The following DHX37 variants were observed in gnomAD, a reference collection of about 807,000 sequenced individuals.
DHX37 encodes the protein DEAH-box helicase 37.
A neutral mutation model predicts 134.3 loss-of-function variants in DHX37; 52 were observed. That is an observed-to-expected ratio of 0.39 (90% CI 0.31 to 0.49). The LOEUF (loss-of-function observed/expected upper bound fraction) is 0.49, where lower values mean the gene tolerates loss of function less well. DHX37 is among the 20% of genes least tolerant of loss of function. DHX37 has a pLI of 0.93. For missense variants in DHX37, 1,344 were observed against 1,580.8 expected (o/e 0.85, Z 2.54); for synonymous variants, 634 against 670.7 (o/e 0.95, Z 0.85).
At chr12:124,950,370 G>A (rs1420057249) in intron 23 of DHX37, 43 bp downstream of exon 23, 1 of 1,594,014 alleles carries the variant, frequency 6.3e-7, no homozygotes, top group Non-Finnish European at 8.5e-7. Context: ...GAAGCCCACG[G>A]CTGCAGGAGG....
At chr12:124,965,620 C>T (rs1401364378) in intron 13 of DHX37, 48 bp downstream of exon 13, 2 of 1,544,082 alleles carry the variant, frequency 1.3e-6, no homozygotes, top group Non-Finnish European at 1.8e-6. Flanking sequence ...GGCACATCCT[C>T]AGGGCAGAGA....
At chr12:124,960,521 A>C in intron 15 of DHX37, 98 bp from the exon 16 acceptor site, 1 of 1,517,808 alleles carries the variant, frequency 6.6e-7, no homozygotes, top group Non-Finnish European at 8.9e-7. Context: ...AACAAACAAA[A>C]CTCAGTCATG....
intron 21 of DHX37, 144 bp downstream of exon 21, chr12:124,952,254 G>A (rs1953989092): frequency 2.1e-5 from 17 of 804,386 alleles, no homozygotes; most frequent in Non-Finnish European, 2.9e-5. Flanking sequence ...AGGAAGATGT[G>A]ATTCTACTGC....
chr12:124,950,580 C>T (rs575682659), intron 22 of DHX37, 30 bp from the exon 23 acceptor site: 6 of 1,548,128 alleles, frequency 3.9e-6, no homozygotes, highest in East Asian at 2.3e-5. Flanking sequence ...GCTGGGGTTA[C>T]AGCGGCACCC....
At position 124,964,404 on chromosome 12, in the gene DHX37, G is replaced by A; in HGVS notation, c.2035C>T (p.His679Tyr). 6.2e-7 allele frequency: 1 copy of A among 1,613,552 alleles called. No homozygotes were observed. The highest frequency in any genetic ancestry group is 1.7e-5 in the Admixed American group (1 of 59,974). Residue 679 changes from histidine (H) to tyrosine (Y), a missense_variant, in exon 15 of 27, where the codon CAC becomes TAC. His to Tyr is a moderately conservative substitution (Grantham distance 83). Transcript: ENST00000308736. ...GCCTGGGTGACCCACCTGTAGCAGT[G>A]GCCGGGCTCCGTCCGTCCTGCTCTG... ...AGRAGRTEPG[H>Y]CYRLYSSAVF... is the part of the protein sequence containing the mutation.
At chr12:124,988,232 G>T (rs1164954420) in intron 1 of DHX37, among the ~76,000 whole-genome samples, 2 of 152,028 alleles carry the variant, frequency 1.3e-5, no homozygotes, top group East Asian at 3.9e-4. Flanking sequence ...TGCAGTCCAG[G>T]CCCGACCTGC....
chr12:124,956,463 A>G (rs1450456271), intron 18 of DHX37, among the ~76,000 whole-genome samples: 2 of 152,234 alleles, frequency 1.3e-5, no homozygotes, highest in Non-Finnish European at 2.9e-5. Flanking sequence ...CATACTTTCA[A>G]CATACTTTCA....
At chr12:124,987,485 C>A (rs1397794399) in intron 1 of DHX37, among the ~76,000 whole-genome samples, 2 of 152,158 alleles carry the variant, frequency 1.3e-5, no homozygotes, top group Admixed American at 6.5e-5. Flanking sequence ...TCTGAGAGAC[C>A]TCAGCCCCTC....
At chr12:124,969,268 G>C (rs1310827045) in intron 8 of DHX37, among the ~76,000 whole-genome samples, 1 of 152,160 alleles carries the variant, frequency 6.6e-6, no homozygotes, top group Non-Finnish European at 1.5e-5. Flanking sequence ...GATTGACTGA[G>C]TGTCTGTGCC....
intron 18 of DHX37, among the ~76,000 whole-genome samples, chr12:124,956,372 T>TATTAA (rs1954093997): frequency 7.0e-6 from 1 of 143,048 alleles, no homozygotes; most frequent in South Asian, 2.3e-4. Flanking sequence ...GCCAGGAAAT[T>TATTAA]ATTAAATAAT....
chr12:124,960,269 T>C, intron 16 of DHX37, 43 bp downstream of exon 16: 1 of 1,588,566 alleles, frequency 6.3e-7, no homozygotes, highest in Non-Finnish European at 8.6e-7. Context: ...AGGGAGGTGG[T>C]CCACTGGGGT....
intron 10 of DHX37, among the ~76,000 whole-genome samples, chr12:124,968,217 T>C (rs4616136): frequency 0.95 from 143,901 of 152,140 alleles, 68,215 homozygotes; most frequent in South Asian, 0.99. Flanking sequence ...CCGTGACTCT[T>C]GGGGGGATGT....
chr12:124,984,997 A>C (rs904393233), intron 2 of DHX37, among the ~76,000 whole-genome samples: 4 of 152,146 alleles, frequency 2.6e-5, no homozygotes, highest in Non-Finnish European at 4.4e-5. Context: ...GGCCGAGGGA[A>C]GAGGGAGGCA....
In DHX37 at chr12:124,957,187, C is replaced by T. The variant is rs73421416; in HGVS notation, c.2158-52G>A. On this transcript the variant is annotated intron_variant, in intron 16 of 26. Transcript: ENST00000308736. ...ACAGGGTGAATGCCAAGAACAAGTC[C>T]GGTGCTCCTGCTCCGTCTGTGGCAG... 6.7e-3 allele frequency: 9,595 copies of T among 1,438,778 alleles called. 580 individuals carry two copies. The African/African-American group carries it at 0.13, about 19-fold the overall frequency. 89.1% of individuals were successfully genotyped at this position (1,438,778 alleles called of 1,614,324 possible).
At chr12:124,970,497 G>A (rs745741254) in intron 8 of DHX37, among the ~76,000 whole-genome samples, 20 of 152,120 alleles carry the variant, frequency 1.3e-4, no homozygotes, top group Admixed American at 1.2e-3. Context: ...ACTTCTCCTC[G>A]CTCTGCAATG....
At chr12:124,969,467 C>A (rs770884049) in intron 8 of DHX37, among the ~76,000 whole-genome samples, 1 of 152,204 alleles carries the variant, frequency 6.6e-6, no homozygotes, top group South Asian at 2.1e-4. Context: ...GCCAAAGCAC[C>A]TCTGTGGGAG....
chr12:124,971,253 G>C lies in DHX37; in HGVS notation c.1191+49C>G, dbSNP rs541159476. On this transcript the variant is annotated intron_variant, in intron 8 of 26. Transcript: ENST00000308736. ...GGAAGCCCAAGCCTCTGACAGAGCT[G>C]GGGGGGGCCTAGGGCTCGGGGCTCC... The C allele has an allele frequency of 4.3e-4, 680 of 1,578,274 alleles. 4 individuals carry two copies. Among genetic ancestry groups the C allele is most frequent in the South Asian group, 1.9e-3 (170 of 87,864 alleles).
intron 21 of DHX37, among the ~76,000 whole-genome samples, chr12:124,951,365 A>C (rs1168177989): frequency 6.6e-6 from 1 of 152,060 alleles, no homozygotes; most frequent in Non-Finnish European, 1.5e-5. Flanking sequence ...AAGAGGCCAG[A>C]CATGAAAAGC....
At chr12:124,958,684 C>T (rs7964251) in intron 16 of DHX37, among the ~76,000 whole-genome samples, 23,656 of 151,894 alleles carry the variant, frequency 0.16, 4,680 homozygotes, top group African/African-American at 0.47. Context: ...TAGAGTGCAA[C>T]GGCGTGATCT....
Sources: allele counts gnomAD v4.1 joint callset (sites outside exome capture counted in the v4.1 genomes callset), GRCh38; gene constraint gnomAD v4.1.1; transcripts MANE v1.5; gene names NCBI Gene and HGNC (gene_info 2026-07-23, HGNC 2026-07-21).